The following CPNE8 variants were observed in gnomAD, a reference collection of about 807,000 sequenced individuals.
The protein encoded by CPNE8 is copine-8.
A neutral mutation model predicts 81.5 loss-of-function variants in CPNE8; 45 were observed. The observed-to-expected ratio is 0.55, with a 90% CI of 0.44 to 0.71. The LOEUF (loss-of-function observed/expected upper bound fraction) is 0.71, where lower values mean the gene tolerates loss of function less well. CPNE8 is among the 30% of genes least tolerant of loss of function. The pLI is 0.00. For synonymous variants in CPNE8, 252 were observed against 226.3 expected (o/e 1.11, Z -1.02); for missense variants, 594 against 672.1 (o/e 0.88, Z 1.28).
intron 13 of CPNE8, among the ~76,000 whole-genome samples, chr12:38,722,906 T>G (rs969223406): frequency 6.6e-5 from 10 of 152,134 alleles, no homozygotes; most frequent in African/African-American, 2.4e-4. Flanking sequence ...TCTCATGAGA[T>G]CTGATGGTTT....
intron 13 of CPNE8, among the ~76,000 whole-genome samples, chr12:38,707,427 G>C (rs758112975): frequency 6.6e-6 from 1 of 151,890 alleles, no homozygotes; most frequent in Non-Finnish European, 1.5e-5. Flanking sequence ...ACAATGAACT[G>C]TAGAAAAGAA....
chr12:38,736,398 T>C (rs1944663738), intron 10 of CPNE8, among the ~76,000 whole-genome samples: 1 of 151,842 alleles, frequency 6.6e-6, no homozygotes, highest in African/African-American at 2.4e-5. Context: ...GAAGATAATA[T>C]TTTTATTGTG....
At chr12:38,788,685 C>T (rs1256292755) in intron 6 of CPNE8, among the ~76,000 whole-genome samples, 2 of 151,588 alleles carry the variant, frequency 1.3e-5, no homozygotes, top group Non-Finnish European at 3.0e-5. Context: ...TACTTGTTTG[C>T]AGATTATATG....
At chr12:38,758,035 C>G (rs933005098) in intron 10 of CPNE8, among the ~76,000 whole-genome samples, 6 of 152,088 alleles carry the variant, frequency 3.9e-5, no homozygotes, top group African/African-American at 1.4e-4. Context: ...CTTATTAAAT[C>G]TCAATATCTA....
intron 14 of CPNE8, among the ~76,000 whole-genome samples, chr12:38,695,912 G>T (rs1241904465): frequency 6.6e-6 from 1 of 152,070 alleles, no homozygotes; most frequent in African/African-American, 2.4e-5. Context: ...CTGTACTCCA[G>T]CCTGAGCAAC....
At chr12:38,896,419 G>A (rs1944389888) in intron 1 of CPNE8, among the ~76,000 whole-genome samples, 1 of 151,984 alleles carries the variant, frequency 6.6e-6, no homozygotes, top group South Asian at 2.1e-4. Context: ...AACATCATTG[G>A]TCCCTGGGTC....
intron 19 of CPNE8, among the ~76,000 whole-genome samples, chr12:38,665,221 T>G (rs1303857232): frequency 2.0e-5 from 3 of 152,198 alleles, no homozygotes; most frequent in African/African-American, 7.2e-5. Context: ...TCATTTCTGA[T>G]CCCTGTACCT....
chr12:38,746,269 C>T (rs1941225800), intron 10 of CPNE8, among the ~76,000 whole-genome samples: 1 of 151,936 alleles, frequency 6.6e-6, no homozygotes, highest in Admixed American at 6.6e-5. Flanking sequence ...CACGAATATG[C>T]TAATCAATGA....
chr12:38,740,207 A>G (rs924107141), intron 10 of CPNE8, among the ~76,000 whole-genome samples: 1 of 152,078 alleles, frequency 6.6e-6, no homozygotes, highest in Non-Finnish European at 1.5e-5. Flanking sequence ...TTTGTCTGTT[A>G]TTGGTGTATA....
At chr12:38,846,890 G>C (rs1396296111) in intron 4 of CPNE8, among the ~76,000 whole-genome samples, 1 of 151,886 alleles carries the variant, frequency 6.6e-6, no homozygotes, top group East Asian at 1.9e-4. Context: ...GTAAGTGTTT[G>C]GTTAAATAAA....
chr12:38,869,614 A>G (rs1943961626), intron 3 of CPNE8, among the ~76,000 whole-genome samples: 2 of 152,120 alleles, frequency 1.3e-5, no homozygotes, highest in African/African-American at 4.8e-5. Flanking sequence ...ATGTTCCAAA[A>G]TGCTTGTCTC....
Position 38,827,374 on chromosome 12 carries a change from A to G in CPNE8, c.407+2005T>C, listed in dbSNP as rs186008435. Among the ~76,000 whole-genome samples, 25 of 152,302 alleles carry G rather than the reference A, an allele frequency of 1.6e-4. No homozygotes were observed. The East Asian group carries it at 4.2e-3, about 26-fold the overall frequency. On this transcript the variant is annotated intron_variant, in intron 6 of 19. Coordinates refer to ENST00000331366, the MANE Select transcript of CPNE8 (RefSeq NM_153634.3). ...GGGAACACTTATATGCTGCTGGTGGAAATGTAAATTAGTTCAGCCATTGTG... is the reference window on the plus strand; with the variant it reads ...GGGAACACTTATATGCTGCTGGTGGGAATGTAAATTAGTTCAGCCATTGTG...
intron 18 of CPNE8, 37 bp from the exon 19 acceptor site, chr12:38,670,839 T>C: frequency 2.1e-6 from 3 of 1,459,034 alleles, no homozygotes; most frequent in Non-Finnish European, 2.9e-6. Context: ...TCAGTACATT[T>C]TAGCCAAATA....
At chr12:38,837,190 T>G (rs775182065) in intron 5 of CPNE8, among the ~76,000 whole-genome samples, 32 of 152,018 alleles carry the variant, frequency 2.1e-4, no homozygotes, top group Non-Finnish European at 3.7e-4. Context: ...AGAGAAGCAT[T>G]TTTTTGTTAG....
chr12:38,843,782 C>A (rs1350558889), intron 4 of CPNE8, among the ~76,000 whole-genome samples: 1 of 152,080 alleles, frequency 6.6e-6, no homozygotes, highest in Non-Finnish European at 1.5e-5. Context: ...CGGTAGGAGA[C>A]CCCCATCTCT....
intron 7 of CPNE8, among the ~76,000 whole-genome samples, chr12:38,768,900 G>A (rs1249566764): frequency 6.6e-6 from 1 of 152,098 alleles, no homozygotes; most frequent in Non-Finnish European, 1.5e-5. Flanking sequence ...TTACAATTTT[G>A]AATATTATGT....
At chr12:38,743,791 C>A (rs1486351) in intron 10 of CPNE8, among the ~76,000 whole-genome samples, 122,571 of 151,952 alleles carry the variant, frequency 0.81, 52,391 homozygotes, top group Middle Eastern at 0.97. Context: ...AGATACATAA[C>A]GTATCTCCAG....
At chr12:38,708,782 A>G (rs1940176506) in intron 13 of CPNE8, among the ~76,000 whole-genome samples, 1 of 152,222 alleles carries the variant, frequency 6.6e-6, no homozygotes, top group South Asian at 2.1e-4. Flanking sequence ...TATCAAAGAA[A>G]ACTAGACACA....
intron 11 of CPNE8, 105 bp from the exon 12 acceptor site, chr12:38,725,004 G>T (rs768388890): frequency 3.6e-5 from 36 of 987,548 alleles, no homozygotes; most frequent in Non-Finnish European, 5.1e-5. Flanking sequence ...CCCTTCTTAT[G>T]CATGTATTCA....
Sources: allele counts gnomAD v4.1 joint callset (sites outside exome capture counted in the v4.1 genomes callset), GRCh38; gene constraint gnomAD v4.1.1; transcripts MANE v1.5; gene names NCBI Gene and HGNC (gene_info 2026-07-23, HGNC 2026-07-21).